SH3PXD2A: variants seen among roughly 807,000 people sequenced by gnomAD.
The protein encoded by SH3PXD2A is SH3 and PX domain-containing protein 2A.
Under a neutral mutation model 115.2 loss-of-function variants are expected in SH3PXD2A, and 32 were observed. The observed-to-expected ratio is 0.28, with a 90% confidence interval of 0.21 to 0.37. SH3PXD2A has a LOEUF of 0.37. Among genes scored for constraint, SH3PXD2A ranks in the 10% least tolerant of loss-of-function variants. SH3PXD2A has a pLI of 1.00. For missense variants in SH3PXD2A, 1,328 were observed against 1,498.7 expected (o/e 0.89, Z 1.88); for synonymous variants, 610 against 629.1 (o/e 0.97, Z 0.45).
At chr10:103,622,953 G>A (rs548788454) in intron 9 of SH3PXD2A, among the ~76,000 whole-genome samples, 1 of 152,262 alleles carries the variant, frequency 6.6e-6, no homozygotes, top group East Asian at 1.9e-4. Flanking sequence ...GAGGGTGTGG[G>A]GTCCTGCAAC....
intron 1 of SH3PXD2A, among the ~76,000 whole-genome samples, chr10:103,814,502 A>G (rs953621240): frequency 2.0e-5 from 3 of 152,240 alleles, no homozygotes; most frequent in Non-Finnish European, 4.4e-5. Flanking sequence ...GTCCAACATC[A>G]GGAAGAATTT....
At chr10:103,728,693 A>C (rs373303587) in intron 4 of SH3PXD2A, among the ~76,000 whole-genome samples, 1 of 152,168 alleles carries the variant, frequency 6.6e-6, no homozygotes, top group East Asian at 1.9e-4. Flanking sequence ...AAACCTGTAG[A>C]GCTTTGTACA....
At chr10:103,752,118 C>G (rs1054356632) in intron 3 of SH3PXD2A, among the ~76,000 whole-genome samples, 1 of 152,206 alleles carries the variant, frequency 6.6e-6, no homozygotes. Context: ...AGTCTTTCAG[C>G]AGGAGCCCTT....
Position 103,678,052 on chromosome 10 carries a change from C to A in SH3PXD2A, c.428-9400G>T, listed in dbSNP as rs1422702102. ...TTGGCTCCCAGCATCTGCTTTAATG[C>A]CCTTCAAAGAGATTTTTAGAAAAAT... On this transcript the variant is annotated intron_variant, in intron 6 of 14. Coordinates refer to ENST00000369774, the MANE Select transcript of SH3PXD2A (RefSeq NM_001394015.1). The A allele has an allele frequency of 2.6e-6, 3 of 1,140,990 alleles. No individual in the cohort carries two copies. The African/African-American group carries it at 4.8e-5, about 18-fold the overall frequency. The allele number at this position is 1,140,990 out of a possible 1,614,324, so 70.7% of individuals were successfully genotyped here. A position where few individuals can be genotyped will look rare whatever the true frequency, so the allele number is the denominator to read the frequency against.
chr10:103,839,346 T>G (rs534794698), intron 1 of SH3PXD2A, among the ~76,000 whole-genome samples: 1 of 152,186 alleles, frequency 6.6e-6, no homozygotes, highest in Non-Finnish European at 1.5e-5. Context: ...GCTCTGAACA[T>G]GCACATGCGA....
chr10:103,666,099 C>A lies in SH3PXD2A; in HGVS notation c.472+2509G>T, dbSNP rs966141470. On this transcript the variant is annotated intron_variant, in intron 7 of 14. Coordinates refer to ENST00000369774, the MANE Select transcript of SH3PXD2A (RefSeq NM_001394015.1). The surrounding 1 kb of genome is among the most constrained non-coding windows in gnomAD (Gnocchi z 4.5). ...GGGCTTTTGCCAAGTCAGTCCCATG[C>A]TCCAACGCCTTCCACGGCTCCCTCT... Among the ~76,000 whole-genome samples, 6 of 152,196 alleles carry A rather than the reference C, an allele frequency of 3.9e-5. No homozygotes were observed. The highest frequency in any genetic ancestry group is 6.5e-5 in the Admixed American group (1 of 15,282).
chr10:103,782,615 C>A (rs756015557), intron 2 of SH3PXD2A, among the ~76,000 whole-genome samples: 3 of 151,934 alleles, frequency 2.0e-5, no homozygotes, highest in Non-Finnish European at 4.4e-5. Context: ...AAAACAGAAG[C>A]TATGGAGCAG....
At chr10:103,838,848 T>C (rs1483356316) in intron 1 of SH3PXD2A, among the ~76,000 whole-genome samples, 1 of 152,204 alleles carries the variant, frequency 6.6e-6, no homozygotes, top group Non-Finnish European at 1.5e-5. Flanking sequence ...GATGTTCTAA[T>C]GGGGGTTCCC....
chr10:103,636,390 C>G (rs1195953483), intron 8 of SH3PXD2A, among the ~76,000 whole-genome samples: 1 of 141,064 alleles, frequency 7.1e-6, no homozygotes, highest in African/African-American at 2.7e-5. Context: ...GCCTGGGTGA[C>G]AGAGCGAGAC....
At chr10:103,662,645 C>T (rs553661039) in intron 7 of SH3PXD2A, among the ~76,000 whole-genome samples, 7 of 151,284 alleles carry the variant, frequency 4.6e-5, no homozygotes, top group East Asian at 3.9e-4. Flanking sequence ...ATGATCCACC[C>T]GCCTCGGCCT....
At chr10:103,701,371 TTCATCCATCCA>T (rs1246983063) in intron 5 of SH3PXD2A, among the ~76,000 whole-genome samples, 85 of 131,550 alleles carry the variant, frequency 6.5e-4, no homozygotes, top group Middle Eastern at 6.0e-3. Context: ...CATCTATCCA[TTCATCCATCCA>T]TCATCCATCC....
In SH3PXD2A at chr10:103,767,810, G is replaced by GTTTTTTT. The variant is rs34903223; in HGVS notation, c.154-648_154-642dup. ...AGGGTTCTGGAGGAACAACTGTTTT[G>GTTTTTTT]TTTTTTTTTTTTTTTTTTTTTTTTG... On this transcript the variant is annotated intron_variant, in intron 2 of 14. Transcript: ENST00000369774. 1.0e-3 allele frequency among the ~76,000 whole-genome samples: 71 copies of GTTTTTTT among 67,696 alleles called. 2 individuals carry two copies. The highest frequency in any genetic ancestry group is 2.3e-3 in the South Asian group (4 of 1,744). The allele number at this position is 67,696 out of a possible 152,430, so 44.4% of individuals were successfully genotyped here. A position where few individuals can be genotyped will look rare whatever the true frequency, so the allele number is the denominator to read the frequency against.
At chr10:103,611,493 C>T (rs1268390473) in intron 13 of SH3PXD2A, 88 bp downstream of exon 13, 6 of 1,229,074 alleles carry the variant, frequency 4.9e-6, no homozygotes, top group Admixed American at 3.4e-5. Flanking sequence ...GATCAAGAGG[C>T]TCTGCCGCAA....
chr10:103,677,956 C>G (rs1172734408), intron 6 of SH3PXD2A: 3 of 462,170 alleles, frequency 6.5e-6, no homozygotes, highest in South Asian at 1.6e-5. Context: ...TACAGGCATA[C>G]AGGCCTGGCT....
At position 103,602,275 on chromosome 10, in the gene SH3PXD2A, C is replaced by T. The variant is rs201946955; in HGVS notation, c.2943G>A (p.Ser981=). Residue 981 remains serine (S), a synonymous_variant, in exon 15 of 15, where the codon TCG becomes TCA. Transcript: ENST00000369774. The part of the protein sequence containing the change: ...GVRQVAVRPQ[S]VFVSPPPKDN... ...CCTTGGGTGGCGGGGACACAAACAC[C>T]GACTGGGGCCTGACCGCCACCTGCC... 48 of 1,612,940 alleles carry T rather than the reference C, an allele frequency of 3.0e-5. No homozygotes were observed. Among genetic ancestry groups the T allele is most frequent in the Admixed American group, 1.3e-4 (8 of 59,922 alleles).
At chr10:103,652,718 G>T (rs574719792) in intron 8 of SH3PXD2A, among the ~76,000 whole-genome samples, 3 of 152,286 alleles carry the variant, frequency 2.0e-5, no homozygotes, top group Admixed American at 2.0e-4. Context: ...CGGGGAGGGG[G>T]GTGAGAGACC....
intron 2 of SH3PXD2A, among the ~76,000 whole-genome samples, chr10:103,777,591 T>C (rs1107300): frequency 0.3 from 46,039 of 152,144 alleles, 7,624 homozygotes; most frequent in African/African-American, 0.45. Flanking sequence ...AAAGATGTGC[T>C]GGAGGATGCA....
chr10:103,662,343 G>GGGC (rs2037319353), intron 7 of SH3PXD2A, among the ~76,000 whole-genome samples: 1 of 90,854 alleles, frequency 1.1e-5, no homozygotes, highest in Non-Finnish European at 2.2e-5. Context: ...ATTATTGGCG[G>GGGC]GGGGGGGGGC....
chr10:103,650,027 C>T (rs10786761), intron 8 of SH3PXD2A, among the ~76,000 whole-genome samples: 69,613 of 152,112 alleles, frequency 0.46, 16,516 homozygotes, highest in African/African-American at 0.58. Flanking sequence ...AGTTGGGGCA[C>T]GTGAAGCTGA....
Sources: allele counts gnomAD v4.1 joint callset (sites outside exome capture counted in the v4.1 genomes callset), GRCh38; gene constraint gnomAD v4.1.1; non-coding constraint Gnocchi (gnomAD v3.1); transcripts MANE v1.5; gene names NCBI Gene and HGNC (gene_info 2026-07-23, HGNC 2026-07-21).